The following MGLL variants were observed in gnomAD, a reference collection of about 807,000 sequenced individuals.
MGLL encodes monoglyceride lipase, also known as lysophospholipase homolog.
In MGLL, 7 loss-of-function variants were observed where a neutral mutation model predicts 29.1. The observed-to-expected ratio is 0.24, with a 90% CI of 0.14 to 0.45. MGLL has a LOEUF of 0.45. Ranked by LOEUF, MGLL falls within the 20% of genes least tolerant of loss-of-function variation. MGLL has a pLI of 0.99. For missense variants in MGLL, 356 were observed against 413.6 expected, an observed-to-expected ratio of 0.86 and a Z score of 1.21; for synonymous variants, 148 against 168.3, an observed-to-expected ratio of 0.88 and a Z score of 0.93.
At chr3:127,723,923 G>C (rs1168421075) in intron 3 of MGLL, among the ~76,000 whole-genome samples, 1 of 152,194 alleles carries the variant, frequency 6.6e-6, no homozygotes, top group Non-Finnish European at 1.5e-5. Context: ...GTTAAATGAG[G>C]TCCTTAGGGT....
At chr3:127,801,247 A>T (rs974227098) in intron 2 of MGLL, among the ~76,000 whole-genome samples, 1 of 148,688 alleles carries the variant, frequency 6.7e-6, no homozygotes, top group Non-Finnish European at 1.5e-5. Context: ...GGTTGCAGTG[A>T]GCCGAGATAG....
intron 3 of MGLL, 84 bp downstream of exon 3, chr3:127,781,705 A>T (rs568428574): frequency 1.7e-6 from 2 of 1,194,844 alleles, no homozygotes; most frequent in African/African-American, 1.5e-5. Context: ...ATTGAGAAGG[A>T]TGCTGGCAGT....
intron 4 of MGLL, 131 bp downstream of exon 4, chr3:127,722,299 A>C: frequency 2.8e-4 from 325 of 1,144,316 alleles, no homozygotes; most frequent in Middle Eastern, 5.6e-4. Context: ...CTCCAAGTGC[A>C]GTGCACAAAG....
intron 6 of MGLL, among the ~76,000 whole-genome samples, chr3:127,707,387 T>C (rs2075624293): frequency 6.6e-6 from 1 of 152,240 alleles, no homozygotes; most frequent in Non-Finnish European, 1.5e-5. Flanking sequence ...TAGAACTCTT[T>C]AGAATCACGT....
chr3:127,778,512 C>G (rs2077072228), intron 3 of MGLL, among the ~76,000 whole-genome samples: 1 of 152,170 alleles, frequency 6.6e-6, no homozygotes. Context: ...TGAGTGGACC[C>G]TGGACTGGGT....
chr3:127,822,439 C>A lies in MGLL; in HGVS notation c.-121G>T. ...CAGGAAGGCAGCTCCGAGCCCTCTT[C>A]CCGCACCCAGACCCTGCCTTTCGGG... On this transcript the variant is annotated 5_prime_UTR_variant, in exon 1 of 8. Coordinates refer to ENST00000265052, the MANE Select transcript of MGLL (RefSeq NM_007283.7). 9.6e-7 allele frequency: 1 copy of A among 1,040,330 alleles called. No homozygotes were observed. Among genetic ancestry groups the A allele is most frequent in the South Asian group, 1.3e-5 (1 of 75,946 alleles). 64.4% of individuals were successfully genotyped at this position (1,040,330 alleles called of 1,614,324 possible). A position where few individuals can be genotyped will look rare whatever the true frequency, so the allele number is the denominator to read the frequency against.
intron 2 of MGLL, among the ~76,000 whole-genome samples, chr3:127,797,308 G>T (rs1007013114): frequency 1.3e-5 from 2 of 151,852 alleles, no homozygotes; most frequent in Admixed American, 1.3e-4. Context: ...GAATCCTCCT[G>T]GCTTTTTGCA....
intron 3 of MGLL, among the ~76,000 whole-genome samples, chr3:127,777,365 T>C (rs1437086273): frequency 6.6e-6 from 1 of 152,218 alleles, no homozygotes; most frequent in East Asian, 1.9e-4. Context: ...GCAATGTCCA[T>C]TCTCTGTGTC....
intron 3 of MGLL, among the ~76,000 whole-genome samples, chr3:127,781,147 G>A: frequency 6.6e-6 from 1 of 152,126 alleles, no homozygotes; most frequent in Non-Finnish European, 1.5e-5. Context: ...GTGAATGTGT[G>A]TATATGTGTG....
At position 127,694,966 on chromosome 3, in the gene MGLL, GC is replaced by G. The variant is rs1400892481; in HGVS notation, c.816+8del. On this transcript the variant is annotated splice_region_variant and intron_variant, in intron 7 of 7. Coordinates refer to ENST00000265052, the MANE Select transcript of MGLL (RefSeq NM_007283.7). ...CTTGGGGGGAAGTGGGCAAGTGGCA[GC>G]CGCTCACCTTGAGAGTCTTGTCCTG... is the stretch of plus-strand genomic sequence containing the variant. 1 of 1,613,466 alleles carries G rather than the reference GC, an allele frequency of 6.2e-7. No individual in the cohort carries two copies. The highest frequency in any genetic ancestry group is 8.5e-7 in the Non-Finnish European group (1 of 1,179,748).
In MGLL at chr3:127,722,443, A is replaced by G; in HGVS notation, c.386T>C (p.Leu129Pro). 2.5e-6 allele frequency: 4 copies of G among 1,614,244 alleles called. No homozygotes were observed. The highest frequency in any genetic ancestry group is 3.4e-6 in the Non-Finnish European group (4 of 1,180,034). ...TGGTCTGCTTACCATGGAGTGGCCCAGAAGGAAGACAGGAAGCCCAGGGTA... is the reference window on the plus strand; with the variant it reads ...TGGTCTGCTTACCATGGAGTGGCCCGGAAGGAAGACAGGAAGCCCAGGGTA... ...KDYPGLPVFL[L>P]GHSMGGAIAI... Residue 129 changes from leucine (L) to proline (P), a missense_variant, in exon 4 of 8, where the codon CTG (leucine) becomes CCG (proline). Coordinates refer to ENST00000265052, the MANE Select transcript of MGLL (RefSeq NM_007283.7).
chr3:127,777,368 T>G (rs1247488219), intron 3 of MGLL, among the ~76,000 whole-genome samples: 2 of 152,242 alleles, frequency 1.3e-5, no homozygotes, highest in Non-Finnish European at 2.9e-5. Flanking sequence ...ATGTCCATTC[T>G]CTGTGTCTAC....
At chr3:127,791,478 A>G (rs2107723293) in intron 2 of MGLL, among the ~76,000 whole-genome samples, 1 of 152,312 alleles carries the variant, frequency 6.6e-6, no homozygotes, top group African/African-American at 2.4e-5. Context: ...TATTGGGAGT[A>G]TCTGTGCATC....
chr3:127,762,408 T>C (rs1259238837), intron 3 of MGLL, among the ~76,000 whole-genome samples: 2 of 152,112 alleles, frequency 1.3e-5, no homozygotes, highest in Non-Finnish European at 2.9e-5. Context: ...ACCCCCAGCC[T>C]TTCTTAAGGG....
intron 2 of MGLL, among the ~76,000 whole-genome samples, chr3:127,815,692 AGCTG>A (rs2077742128): frequency 6.6e-6 from 1 of 152,156 alleles, no homozygotes; most frequent in African/African-American, 2.4e-5. Context: ...GGCAAGTAGG[AGCTG>A]CGACCCAGCC....
At chr3:127,775,882 C>T (rs1422913131) in intron 3 of MGLL, among the ~76,000 whole-genome samples, 1 of 152,196 alleles carries the variant, frequency 6.6e-6, no homozygotes, top group Non-Finnish European at 1.5e-5. Context: ...CCATGTGTGC[C>T]CTCCTCCCGG....
chr3:127,783,850 G>A (rs555388476), intron 2 of MGLL: 3 of 152,358 alleles, frequency 2.0e-5, no homozygotes, highest in East Asian at 1.9e-4. Flanking sequence ...TGAGGAGCAC[G>A]GCTGGAACTG....
At chr3:127,766,331 T>C (rs947074750) in intron 3 of MGLL, among the ~76,000 whole-genome samples, 2 of 152,222 alleles carry the variant, frequency 1.3e-5, no homozygotes, top group Non-Finnish European at 2.9e-5. Context: ...CAGGTTCTCA[T>C]ATAATAGCTG....
At chr3:127,710,402 C>G (rs903501283) in intron 6 of MGLL, among the ~76,000 whole-genome samples, 174 bp downstream of exon 6, 1 of 152,210 alleles carries the variant, frequency 6.6e-6, no homozygotes, top group African/African-American at 2.4e-5. Flanking sequence ...AGCCAACCCA[C>G]CCTTTTCACC....
Sources: allele counts gnomAD v4.1 joint callset (sites outside exome capture counted in the v4.1 genomes callset), GRCh38; gene constraint gnomAD v4.1.1; transcripts MANE v1.5; gene names NCBI Gene and HGNC (gene_info 2026-07-23, HGNC 2026-07-21).